Variants in ANO8 observed in about 807,000 individuals in gnomAD.
The protein encoded by ANO8 is anoctamin-8.
In ANO8, 67 loss-of-function variants were observed where a neutral mutation model predicts 120.4. The ratio of observed to expected loss-of-function variants is 0.56; its 90% confidence interval spans 0.46 to 0.68. The LOEUF (loss-of-function observed/expected upper bound fraction) is 0.68, where lower values mean the gene tolerates loss of function less well. Among genes scored for constraint, ANO8 ranks in the 30% least tolerant of loss-of-function variants. The pLI, the probability that ANO8 is intolerant of heterozygous loss-of-function variation, is 0.00. For missense variants in ANO8, 1,526 were observed against 1,737.6 expected, an observed-to-expected ratio of 0.88 and a Z score of 2.16; for synonymous variants, 727 against 759.2, an observed-to-expected ratio of 0.96 and a Z score of 0.70.
At chr19:17,331,064 C>T (rs765943624) in intron 7 of ANO8, 24 bp downstream of exon 7, 7 of 1,613,896 alleles carry the variant, frequency 4.3e-6, no homozygotes, top group Admixed American at 3.3e-5. Context: ...ATCCCCCAGA[C>T]CTTGCAGGGT....
In ANO8 at chr19:17,328,918, G is replaced by A; in HGVS notation, c.1470C>T (p.His490=). ...CGCCGCGGCCCAGGCGCCGGTACAG[G>A]TGCGGCTGCAGGACCTCGCGCACGT... ...LQNVREVLQP[H]LYRRLGRGEL... Residue 490 remains histidine, a synonymous_variant, in exon 13 of 18, where the codon CAC becomes CAT. Transcript: ENST00000159087. 6.6e-7 allele frequency: 1 copy of A among 1,513,038 alleles called. No individual in the cohort carries two copies. Among genetic ancestry groups the A allele is most frequent in the Non-Finnish European group, 8.8e-7 (1 of 1,133,542 alleles). The allele number at this position is 1,513,038 out of a possible 1,614,324, so 93.7% of individuals were successfully genotyped here.
chr19:17,327,751 T>C lies in ANO8; in HGVS notation c.2356A>G (p.Lys786Glu). 1 of 1,614,080 alleles carries C rather than the reference T, an allele frequency of 6.2e-7. No individual in the cohort carries two copies. Among genetic ancestry groups the C allele is most frequent in the Non-Finnish European group, 8.5e-7 (1 of 1,179,994 alleles). ...GGCCGCTGCAGCCCGGTGCACAGCT[T>C]GAAGGCGTCGCTGCGGATCTCAATG... ...NLIEIRSDAF[K>E]LCTGLQRPFG... Residue 786 changes from lysine (K) to glutamate (E), a missense_variant, in exon 14 of 18, where the codon AAG becomes GAG. Lys to Glu is a moderately conservative substitution (Grantham distance 56). This residue lies in a region of ANO8 where 77 missense variants were observed against 131.5 expected (regional missense o/e 0.59). Transcript: ENST00000159087.
Position 17,323,781 on chromosome 19 carries a change from G to C in ANO8, c.3435C>G (p.Pro1145=), listed in dbSNP as rs912927157. The C allele has an allele frequency of 1.4e-4, 168 of 1,165,626 alleles. No individual in the cohort carries two copies. The highest frequency in any genetic ancestry group is 1.6e-4 in the Non-Finnish European group (154 of 944,698). 72.2% of individuals were successfully genotyped at this position (1,165,626 alleles called of 1,614,324 possible). A position where few individuals can be genotyped will look rare whatever the true frequency, so the allele number is the denominator to read the frequency against. Residue 1145 remains proline, a synonymous_variant, in exon 18 of 18, where the codon CCC becomes CCG. Transcript: ENST00000159087. ...PMPLPRPPTP[P]AGCWQWDGPW... Reference sequence around the variant, plus strand: ...GCCCGTCCCACTGCCAGCAGCCTGCGGGCGGTGTCGGGGGCCGGGGCAGCG... The same window carrying C: ...GCCCGTCCCACTGCCAGCAGCCTGCCGGCGGTGTCGGGGGCCGGGGCAGCG...
intron 12 of ANO8, 134 bp downstream of exon 12, chr19:17,329,623 G>A: frequency 1.5e-6 from 1 of 676,242 alleles, no homozygotes; most frequent in Non-Finnish European, 2.5e-6. Flanking sequence ...ACGGACAACG[G>A]ACGGACAGAC....
At position 17,324,908 on chromosome 19, in the gene ANO8, T is replaced by C; in HGVS notation, c.3140A>G (p.Lys1047Arg). ...GAAGAGCTTGCCAGCATGGAAGGCT[T>C]TGGGCGGTGAGTGGCTGCGCTCAGA... The part of the protein sequence containing the change: ...RDSERSHSPP[K>R]AFHAGKLFPF... The change falls in exon 17 of 18, where the codon AAA becomes AGA. Residue 1047 changes from lysine to arginine, a missense_variant. By Grantham distance (26) the Lys-to-Arg change is conservative. This residue lies in a region of ANO8 where 489 missense variants were observed against 548.6 expected (regional missense o/e 0.89). Transcript: ENST00000159087. 1.2e-6 allele frequency: 2 copies of C among 1,613,364 alleles called. No individual in the cohort carries two copies. Among genetic ancestry groups the C allele is most frequent in the Non-Finnish European group, 1.7e-6 (2 of 1,179,862 alleles).
Position 17,323,308 on chromosome 19 carries a change from G to GT in ANO8, c.*208dup. On this transcript the variant is annotated 3_prime_UTR_variant, in exon 18 of 18. Transcript: ENST00000159087. Reference sequence around the variant, plus strand: ...ATTAAAAACAAATAAATAATCGCCTGTTCTGTGTGTGTGTGTGTGTGTGTG... The same window carrying GT: ...ATTAAAAACAAATAAATAATCGCCTGTTTCTGTGTGTGTGTGTGTGTGTGTG... 1 of 219,820 alleles carries GT rather than the reference G, an allele frequency of 4.5e-6. No individual in the cohort carries two copies. Among genetic ancestry groups the GT allele is most frequent in the Non-Finnish European group, 8.3e-6 (1 of 120,640 alleles). 13.6% of individuals were successfully genotyped at this position (219,820 alleles called of 1,614,324 possible). A position where few individuals can be genotyped will look rare whatever the true frequency, so the allele number is the denominator to read the frequency against.
At chr19:17,328,125 A>AGGCCCCGCCCCCTGCGT in intron 13 of ANO8, 37 bp downstream of exon 13, 3 of 1,489,072 alleles carry the variant, frequency 2.0e-6, no homozygotes, top group Non-Finnish European at 2.7e-6. Context: ...GTCCCCGGCG[A>AGGCCCCGCCCCCTGCGT]GGCCCCGCCC....
chr19:17,329,607 C>G (rs2074301917), intron 12 of ANO8, 150 bp downstream of exon 12: 2 of 645,444 alleles, frequency 3.1e-6, no homozygotes. Context: ...AGAGGACGCA[C>G]AGACGACGGA....
Position 17,323,311 on chromosome 19 carries a change from C to CTGTGG in ANO8, c.*205_*206insCCACA. On this transcript the variant is annotated 3_prime_UTR_variant, in exon 18 of 18. Coordinates refer to ENST00000159087, the MANE Select transcript of ANO8 (RefSeq NM_020959.3). ...AAAAACAAATAAATAATCGCCTGTT[C>CTGTGG]TGTGTGTGTGTGTGTGTGTGTGTGT... 1 of 326,538 alleles carries CTGTGG rather than the reference C, an allele frequency of 3.1e-6. No individual in the cohort carries two copies. The highest frequency in any genetic ancestry group is 5.6e-6 in the Non-Finnish European group (1 of 180,114). The allele number at this position is 326,538 out of a possible 1,614,324, so 20.2% of individuals were successfully genotyped here.
chr19:17,332,574 C>T (rs896436438), intron 5 of ANO8, among the ~76,000 whole-genome samples: 3 of 152,112 alleles, frequency 2.0e-5, no homozygotes, highest in Non-Finnish European at 2.9e-5. Context: ...CCACTTTATC[C>T]CAAACCCAGA....
At chr19:17,328,028 C>G (rs1654118517) in intron 13 of ANO8, 134 bp downstream of exon 13, 7 of 1,353,700 alleles carry the variant, frequency 5.2e-6, no homozygotes, top group Non-Finnish European at 6.9e-6. Flanking sequence ...TCTGGCTAGG[C>G]CTTCCTCTCC....
In ANO8 at chr19:17,323,520, A is replaced by T. The variant is rs2074251473; in HGVS notation, c.3696T>A (p.His1232Gln). The change falls in exon 18 of 18, where the codon CAT (histidine) becomes CAA (glutamine). Residue 1232 changes from histidine to glutamine, a missense_variant. By Grantham distance (24) the His-to-Gln change is conservative. This residue lies in a region of ANO8 where 489 missense variants were observed against 548.6 expected (regional missense o/e 0.89). Coordinates refer to ENST00000159087, the MANE Select transcript of ANO8 (RefSeq NM_020959.3). ...PQAVCWPSGW[H>Q] is the part of the protein sequence containing the mutation. ...AGAGAAGGCAGGGCGGGTAGAGCTA[A>T]TGCCAGCCGCTGGGCCAGCACACGG... 2 of 1,281,462 alleles carry T rather than the reference A, an allele frequency of 1.6e-6. No homozygotes were observed. Among genetic ancestry groups the T allele is most frequent in the Admixed American group, 6.2e-5 (2 of 32,268 alleles). The allele number at this position is 1,281,462 out of a possible 1,614,324, so 79.4% of individuals were successfully genotyped here.
chr19:17,327,572 G>A lies in ANO8; in HGVS notation c.2419-3C>T. Reference sequence around the variant, plus strand: ...ACACCCATGGCCTCCATCACCTTCTGCAGGGCGGCAGGAGGGCTCAGGCGG... The same window carrying A: ...ACACCCATGGCCTCCATCACCTTCTACAGGGCGGCAGGAGGGCTCAGGCGG... On this transcript the variant is annotated splice_polypyrimidine_tract_variant and splice_region_variant and intron_variant, in intron 14 of 17. Coordinates refer to ENST00000159087, the MANE Select transcript of ANO8 (RefSeq NM_020959.3). The A allele has an allele frequency of 6.2e-7, 1 of 1,613,292 alleles. No individual in the cohort carries two copies. Among genetic ancestry groups the A allele is most frequent in the South Asian group, 1.1e-5 (1 of 91,074 alleles).
chr19:17,333,687 T>C lies in ANO8; in HGVS notation c.217+3A>G. On this transcript the variant is annotated splice_donor_region_variant and intron_variant, in intron 2 of 17. Transcript: ENST00000159087. The surrounding 1 kb of genome is among the most constrained non-coding windows in gnomAD (Gnocchi z 7.2). ...GGGCGGGCGGGCGGGCGGGCTTGGGTACCTGGGAAGGTCATCAGCACGTCG... is the reference window on the plus strand; with the variant it reads ...GGGCGGGCGGGCGGGCGGGCTTGGGCACCTGGGAAGGTCATCAGCACGTCG... 1 of 1,584,876 alleles carries C rather than the reference T, an allele frequency of 6.3e-7. No individual in the cohort carries two copies. The highest frequency in any genetic ancestry group is 1.1e-5 in the South Asian group (1 of 87,088).
At position 17,324,834 on chromosome 19, in the gene ANO8, G is replaced by T. The variant is rs2074262640; in HGVS notation, c.3214C>A (p.Gln1072Lys). Residue 1072 changes from glutamine (Q) to lysine (K), a missense_variant, in exon 17 of 18, where the codon CAG becomes AAG. Physicochemically the swap from Gln to Lys is moderately conservative, Grantham distance 53. This residue lies in a region of ANO8 where 489 missense variants were observed against 548.6 expected (regional missense o/e 0.89). Transcript: ENST00000159087. ...AEPGSNGAGG[Q>K]ARPDGTPSSG... ...CTGGGGGTCCCATCTGGCCGGGCCT[G>T]CCCGCCCGCCCCGTTGGACCCAGGC... 1.9e-6 allele frequency: 3 copies of T among 1,611,146 alleles called. No homozygotes were observed. Among genetic ancestry groups the T allele is most frequent in the Non-Finnish European group, 2.5e-6 (3 of 1,178,846 alleles).
At chr19:17,331,046 G>C (rs761733355) in intron 7 of ANO8, 42 bp downstream of exon 7, 1 of 1,613,538 alleles carries the variant, frequency 6.2e-7, no homozygotes, top group Non-Finnish European at 8.5e-7. Flanking sequence ...AAAGGAGGGC[G>C]CCTCTGGATC....
chr19:17,332,448 G>GA (rs1319355308), intron 5 of ANO8, among the ~76,000 whole-genome samples: 2 of 152,134 alleles, frequency 1.3e-5, no homozygotes, highest in Admixed American at 1.3e-4. Context: ...AACGTCTGAG[G>GA]AATGGTAAAA....
At position 17,334,786 on chromosome 19, in the gene ANO8, C is replaced by T. The variant is rs1420749616; in HGVS notation, c.-116G>A. On this transcript the variant is annotated 5_prime_UTR_variant, in exon 1 of 18. Coordinates refer to ENST00000159087, the MANE Select transcript of ANO8 (RefSeq NM_020959.3). The stretch of plus-strand genomic sequence containing the variant: ...GAGGAGGAGACAAAGGCCGCGCCCG[C>T]CCGCGCCGGCCTCGGTCCTCGCTCG... 5 of 1,159,058 alleles carry T rather than the reference C, an allele frequency of 4.3e-6. No homozygotes were observed. The African/African-American group carries it at 4.9e-5, about 11-fold the overall frequency. 71.8% of individuals were successfully genotyped at this position (1,159,058 alleles called of 1,614,324 possible).
Position 17,332,997 on chromosome 19 carries a change from C to T in ANO8, c.519G>A (p.Leu173=), listed in dbSNP as rs1318970304. The T allele has an allele frequency of 6.2e-7, 1 of 1,614,142 alleles. No individual in the cohort carries two copies. The stretch of plus-strand genomic sequence containing the variant: ...CTCCCTGCTTGGCACGCAAATTCTG[C>T]AGCCAGAAGCGGATGATGCTCTGGC... ...QERQSIIRFW[L]QNLRAKQGEA... The change falls in exon 5 of 18, where the codon CTG becomes CTA. Residue 173 remains leucine (L), a synonymous_variant. Coordinates refer to ENST00000159087, the MANE Select transcript of ANO8 (RefSeq NM_020959.3).
Sources: gnomAD v4.1 joint callset for allele counts (sites outside exome capture counted in the v4.1 genomes callset) on GRCh38, gnomAD v4.1.1 for gene constraint, gnomAD v4.1.1 regional missense constraint, Gnocchi (gnomAD v3.1) non-coding constraint, MANE v1.5 for transcripts, NCBI Gene and HGNC (gene_info 2026-07-23, HGNC 2026-07-21) for gene names.